The following PPIA variants were observed in gnomAD, a reference collection of about 807,000 sequenced individuals.
PPIA encodes peptidylprolyl isomerase A.
In PPIA, 2 loss-of-function variants were observed where a neutral mutation model predicts 15.3. That is an observed-to-expected ratio of 0.13 (90% CI 0.05 to 0.41). The LOEUF (loss-of-function observed/expected upper bound fraction) is 0.41. PPIA is among the 10% of genes least tolerant of loss of function. PPIA has a pLI of 0.99. For synonymous variants in PPIA, 67 were observed against 73.1 expected, an observed-to-expected ratio of 0.92 and a Z score of 0.43; for missense variants, 103 against 210.3, an observed-to-expected ratio of 0.49 and a Z score of 3.16.
In PPIA at chr7:44,803,076, C is replaced by T. The variant is rs897888855; in HGVS notation, c.*1654C>T. On this transcript the variant is annotated 3_prime_UTR_variant, in exon 5 of 5. Coordinates refer to ENST00000468812, the MANE Select transcript of PPIA (RefSeq NM_021130.5). Reference sequence around the variant, plus strand: ...GTCTTAATGTACTTGTGGCTCAGACCTGAGTGCAAGGTGGAAATAAACATC... The same window carrying T: ...GTCTTAATGTACTTGTGGCTCAGACTTGAGTGCAAGGTGGAAATAAACATC... 1.3e-5 allele frequency: 2 copies of T among 152,190 alleles called. No homozygotes were observed. The highest frequency in any genetic ancestry group is 2.9e-5 in the Non-Finnish European group (2 of 68,050). 9.4% of individuals were successfully genotyped at this position (152,190 alleles called of 1,614,324 possible). A position where few individuals can be genotyped will look rare whatever the true frequency, so the allele number is the denominator to read the frequency against.
At chr7:44,801,033 G>T (rs899017795) in intron 4 of PPIA, among the ~76,000 whole-genome samples, 2 of 151,662 alleles carry the variant, frequency 1.3e-5, no homozygotes, top group African/African-American at 4.8e-5. Flanking sequence ...TAGCCAGGAT[G>T]GTCTCGATCT....
intron 3 of PPIA, 89 bp downstream of exon 3, chr7:44,799,569 T>C: frequency 5.1e-6 from 8 of 1,570,662 alleles, no homozygotes; most frequent in African/African-American, 1.4e-5. Context: ...ATATCTGAAC[T>C]GTTACTCTAC....
In PPIA at chr7:44,801,732, A is replaced by ATT. The variant is rs17860087; in HGVS notation, c.*317_*318dup. ...TTGCTTAATTCTACACAGTACTTAG[A>ATT]TTTTTTTTACTTTCCAGTCCCAGGA... On this transcript the variant is annotated 3_prime_UTR_variant, in exon 5 of 5. Transcript: ENST00000468812. The ATT allele has an allele frequency of 1.4e-4, 33 of 228,804 alleles. No individual in the cohort carries two copies. The highest frequency in any genetic ancestry group is 2.0e-4 in the Non-Finnish European group (23 of 117,774). 14.2% of individuals were successfully genotyped at this position (228,804 alleles called of 1,614,324 possible).
chr7:44,796,883 G>C (rs1179153943), intron 1 of PPIA, 90 bp downstream of exon 1: 38 of 1,401,322 alleles, frequency 2.7e-5, no homozygotes, highest in Non-Finnish European at 1.2e-5. Flanking sequence ...CGGGCGCGGG[G>C]CGACCCTGCT....
intron 2 of PPIA, 47 bp from the exon 3 acceptor site, chr7:44,799,345 A>G (rs776141166): frequency 5.0e-6 from 8 of 1,599,386 alleles, no homozygotes; most frequent in Non-Finnish European, 6.8e-6. Flanking sequence ...GTGTGTATAT[A>G]TATATTTTTA....
intron 1 of PPIA, 63 bp downstream of exon 1, chr7:44,796,856 G>T: frequency 6.6e-7 from 1 of 1,521,094 alleles, no homozygotes. Context: ...GGGGTGGGTG[G>T]TAGCGCCCCA....
intron 1 of PPIA, chr7:44,798,797 T>A: frequency 1.0e-6 from 1 of 992,678 alleles, no homozygotes; most frequent in Non-Finnish European, 1.2e-6. Flanking sequence ...TCCATAAAGC[T>A]ATGTTAACAG....
rs1792585112 is a variant in PPIA, at chr7:44,802,096, G to A, written c.*674G>A. On this transcript the variant is annotated 3_prime_UTR_variant, in exon 5 of 5. Coordinates refer to ENST00000468812, the MANE Select transcript of PPIA (RefSeq NM_021130.5). ...CAAGGAGCCAGAATTAAGAGGTTGG[G>A]TCAGTCTGCAGTGAGTTCATGCATT... 2 of 152,204 alleles carry A rather than the reference G, an allele frequency of 1.3e-5. No homozygotes were observed. The highest frequency in any genetic ancestry group is 4.8e-5 in the African/African-American group (2 of 41,354). The allele number at this position is 152,204 out of a possible 1,614,324, so 9.4% of individuals were successfully genotyped here. A position where few individuals can be genotyped will look rare whatever the true frequency, so the allele number is the denominator to read the frequency against.
Position 44,796,797 on chromosome 7 carries a change from G to T in PPIA, c.69+4G>T, listed in dbSNP as rs1204832464. 1.9e-6 allele frequency: 3 copies of T among 1,604,124 alleles called. No individual in the cohort carries two copies. Among genetic ancestry groups the T allele is most frequent in the South Asian group, 2.2e-5 (2 of 90,792 alleles). On this transcript the variant is annotated splice_donor_region_variant and intron_variant, in intron 1 of 4. Coordinates refer to ENST00000468812, the MANE Select transcript of PPIA (RefSeq NM_021130.5). ...CTTGGGCCGCGTCTCCTTTGAGGTC[G>T]GGCGGGCGGCGGCGTGCGGGAATGG...
At chr7:44,799,545 A>AG (rs1204595912) in intron 3 of PPIA, 65 bp downstream of exon 3, 1 of 1,581,180 alleles carries the variant, frequency 6.3e-7, no homozygotes, top group Non-Finnish European at 8.7e-7. Context: ...GAGCCAGAAT[A>AG]TTTCAGGATA....
At chr7:44,797,945 A>T (rs1293776423) in intron 1 of PPIA, 1 of 152,220 alleles carries the variant, frequency 6.6e-6, no homozygotes, top group Non-Finnish European at 1.5e-5. Flanking sequence ...CCTGGCACAT[A>T]GGCACTGAAA....
At chr7:44,799,308 G>T in intron 2 of PPIA, 31 bp downstream of exon 2, 1 of 1,612,390 alleles carries the variant, frequency 6.2e-7, no homozygotes. Flanking sequence ...TAACAAAGAT[G>T]TTCCAATTGT....
At chr7:44,799,036 T>C (rs997217008) in intron 1 of PPIA, 8 of 1,137,216 alleles carry the variant, frequency 7.0e-6, no homozygotes, top group Middle Eastern at 3.1e-4. Context: ...ATGACTAGTA[T>C]TGGATTTTTG....
intron 4 of PPIA, chr7:44,800,094 G>A: frequency 1.8e-6 from 1 of 565,052 alleles, no homozygotes. Context: ...GGTTGAATTA[G>A]GTGCTACTTT....
At chr7:44,799,567 A>ACT in intron 3 of PPIA, 87 bp downstream of exon 3, 1 of 1,571,042 alleles carries the variant, frequency 6.4e-7, no homozygotes, top group Non-Finnish European at 8.7e-7. Context: ...ACATATCTGA[A>ACT]CTGTTACTCT....
intron 1 of PPIA, among the ~76,000 whole-genome samples, chr7:44,796,994 A>G (rs1440799220): frequency 6.6e-6 from 1 of 152,182 alleles, no homozygotes; most frequent in Middle Eastern, 3.4e-3. Flanking sequence ...GCGGCGGACA[A>G]AGGCAGGCGG....
chr7:44,798,068 A>T (rs1336940397), intron 1 of PPIA: 1 of 152,208 alleles, frequency 6.6e-6, no homozygotes, highest in Non-Finnish European at 1.5e-5. Context: ...CAGGTTACCC[A>T]AAGAGCTTCA....
chr7:44,798,845 A>C, intron 1 of PPIA: 1 of 1,002,600 alleles, frequency 1.0e-6, no homozygotes, highest in Non-Finnish European at 1.2e-6. Flanking sequence ...AGTGACTAAA[A>C]GAACAGCTGT....
chr7:44,799,542 A>G, intron 3 of PPIA, 62 bp downstream of exon 3: 3 of 1,584,556 alleles, frequency 1.9e-6, no homozygotes, highest in Non-Finnish European at 2.6e-6. Flanking sequence ...ATTGAGCCAG[A>G]ATATTTCAGG....
Sources: allele counts gnomAD v4.1 joint callset (sites outside exome capture counted in the v4.1 genomes callset), GRCh38; gene constraint gnomAD v4.1.1; transcripts MANE v1.5; gene names NCBI Gene and HGNC (gene_info 2026-07-23, HGNC 2026-07-21).